The following AKAP9 variants were observed in gnomAD, a reference collection of about 807,000 sequenced individuals.
AKAP9 encodes A-kinase anchoring protein 9, also known as A-kinase anchor protein 9.
A neutral mutation model predicts 488.5 loss-of-function variants in AKAP9; 311 were observed. The observed-to-expected ratio is 0.64, with a 90% CI of 0.58 to 0.70. AKAP9 has a LOEUF of 0.70. Among genes scored for constraint, AKAP9 ranks in the 30% least tolerant of loss-of-function variants. The probability of loss-of-function intolerance (pLI) is 0.00; values close to 1 mark genes in which losing one functional copy is unlikely to be tolerated. For synonymous variants in AKAP9, 1,462 were observed against 1,483.5 expected (o/e 0.99, Z 0.33); for missense variants, 4,215 against 4,374.5 (o/e 0.96, Z 1.03).
intron 28 of AKAP9, among the ~76,000 whole-genome samples, chr7:92,075,591 G>A (rs1339601980): frequency 6.6e-6 from 1 of 152,148 alleles, no homozygotes; most frequent in African/African-American, 2.4e-5. Flanking sequence ...TCAAAAGCTG[G>A]CTTCTCCACA....
At chr7:92,018,391 A>C (rs1373173877) in intron 12 of AKAP9, among the ~76,000 whole-genome samples, 1 of 108,998 alleles carries the variant, frequency 9.2e-6, no homozygotes, top group East Asian at 2.9e-4. Context: ...ATTTCTAAAA[A>C]TATAACACAC....
At chr7:92,058,079 T>A (rs1809104654) in intron 22 of AKAP9, 1 of 494,652 alleles carries the variant, frequency 2.0e-6, no homozygotes, top group Admixed American at 2.7e-5. Flanking sequence ...TATACTGCTA[T>A]GGTAGATCTT....
intron 21 of AKAP9, among the ~76,000 whole-genome samples, chr7:92,052,165 C>G (rs1292458731): frequency 1.4e-4 from 22 of 152,100 alleles, no homozygotes; most frequent in Admixed American, 1.4e-3. Flanking sequence ...AGTGTTGGAT[C>G]AAAAGTTAGT....
At chr7:92,021,160 C>G (rs768668236) in intron 12 of AKAP9, among the ~76,000 whole-genome samples, 3 of 152,250 alleles carry the variant, frequency 2.0e-5, no homozygotes, top group East Asian at 1.9e-4. Context: ...ATATATGAGC[C>G]TAAATCAAAA....
Position 92,079,514 on chromosome 7 carries a change from G to A in AKAP9, c.7381G>A (p.Asp2461Asn), listed in dbSNP as rs1315333612. The A allele has an allele frequency of 6.2e-7, 1 of 1,613,866 alleles. No individual in the cohort carries two copies. Among genetic ancestry groups the A allele is most frequent in the Non-Finnish European group, 8.5e-7 (1 of 1,179,998 alleles). Reference sequence around the variant, plus strand: ...CGTGGCTATAGATCATCTGAGCAAAGACAAACCTGAACTAGAAGTAGTCCT... The same window carrying A: ...CGTGGCTATAGATCATCTGAGCAAAAACAAACCTGAACTAGAAGTAGTCCT... ...VNVAIDHLSK[D>N]KPELEVVLTE... Residue 2461 changes from aspartate (D) to asparagine (N), a missense_variant, in exon 31 of 50, where the codon GAC becomes AAC. Asp to Asn is a conservative substitution (Grantham distance 23). Around this residue, in one of 5 missense-constraint regions of AKAP9, gnomAD observed 1,476 missense variants for 1,477.4 expected, o/e 1.00. Transcript: ENST00000356239.
chr7:92,099,779 G>T lies in AKAP9; in HGVS notation c.10806G>T (p.Leu3602=), dbSNP rs748410999. The change falls in exon 44 of 50, where the codon CTG becomes CTT. Residue 3602 remains leucine (L), a synonymous_variant. Coordinates refer to ENST00000356239, the MANE Select transcript of AKAP9 (RefSeq NM_005751.5). ...NAELTGHISQ[L]TEEKNDLRNM... ...AGCTGACAGGGCATATCAGTCAACT[G>T]ACTGAAGAGAAGAATGACTTAAGGA... is the stretch of plus-strand genomic sequence containing the variant. 12 of 1,614,070 alleles carry T rather than the reference G, an allele frequency of 7.4e-6. No homozygotes were observed. The East Asian group carries it at 2.7e-4, about 36-fold the overall frequency.
At chr7:91,974,491 C>T (rs1393509332) in intron 2 of AKAP9, among the ~76,000 whole-genome samples, 2 of 152,284 alleles carry the variant, frequency 1.3e-5, no homozygotes, top group South Asian at 2.1e-4. Context: ...TACTATGCCC[C>T]CAAGTCTTGA....
rs376638814 is a variant in AKAP9 at position 92,001,452 on chromosome 7, T to C, written c.1535T>C (p.Leu512Pro). 2.3e-5 allele frequency: 37 copies of C among 1,613,690 alleles called. No individual in the cohort carries two copies. The highest frequency in any genetic ancestry group is 2.9e-5 in the Non-Finnish European group (34 of 1,179,868). Residue 512 changes from leucine (L) to proline (P), a missense_variant, in exon 8 of 50, where the codon CTC becomes CCC. Around this residue, in one of 5 missense-constraint regions of AKAP9, gnomAD observed 2,361 missense variants for 2,430.0 expected, o/e 0.97. Transcript: ENST00000356239. ...LQDTNSQKEKLKEELGLILEE... is the reference protein window; with the variant it reads ...LQDTNSQKEKPKEELGLILEE... ...GATACTAACTCTCAAAAGGAAAAAC[T>C]CAAGGAAGAACTAGGACTAATTTTA...
In AKAP9 at chr7:92,108,616, T is replaced by C. The variant is rs1418123269; in HGVS notation, c.11669T>C (p.Leu3890Pro). 6.2e-7 allele frequency: 1 copy of C among 1,614,170 alleles called. No homozygotes were observed. The highest frequency in any genetic ancestry group is 8.5e-7 in the Non-Finnish European group (1 of 1,180,030). The change falls in exon 49 of 50, where the codon CTT becomes CCT. Residue 3890 changes from leucine (L) to proline (P), a missense_variant. Transcript: ENST00000356239. ...ITRLEALQRR[L>P]GTIQSGSTTQ... ...CGGCTAGAGGCACTGCAAAGACGAC[T>C]TGGAACTATACAGTCAGGTGCTCTG...
At chr7:92,075,002 A>G (rs1007002355) in intron 28 of AKAP9, among the ~76,000 whole-genome samples, 1 of 152,196 alleles carries the variant, frequency 6.6e-6, no homozygotes, top group Non-Finnish European at 1.5e-5. Flanking sequence ...CCAGAAAAGT[A>G]TAATTTTTTA....
chr7:91,996,651 A>G (rs1245758663), intron 7 of AKAP9, among the ~76,000 whole-genome samples: 2 of 152,234 alleles, frequency 1.3e-5, no homozygotes, highest in African/African-American at 4.8e-5. Flanking sequence ...TAAAAGCACC[A>G]TGAGCATTGA....
Position 92,022,259 on chromosome 7 carries a change from G to A in AKAP9, c.3859G>A (p.Gly1287Ser). Residue 1287 changes from glycine (G) to serine (S), a missense_variant, in exon 13 of 50, where the codon GGT becomes AGT. Transcript: ENST00000356239. ...ATAGATCTGGGGACAGCAGACAGAT[G>A]GTATGAAACTTGAATTTGGAGAAGA... ...LSKIWGQQTDGMKLEFGEENL... is the reference protein window; with the variant it reads ...LSKIWGQQTDSMKLEFGEENL... The A allele has an allele frequency of 2.5e-6, 4 of 1,612,666 alleles. No homozygotes were observed. The highest frequency in any genetic ancestry group is 3.4e-6 in the Non-Finnish European group (4 of 1,178,856).
chr7:92,041,840 G>T, intron 18 of AKAP9: 1 of 477,946 alleles, frequency 2.1e-6, no homozygotes. Context: ...ACAAATTCCT[G>T]AATATATAGA....
At chr7:91,973,338 G>A (rs1795308917) in intron 1 of AKAP9, among the ~76,000 whole-genome samples, 1 of 152,160 alleles carries the variant, frequency 6.6e-6, no homozygotes, top group Non-Finnish European at 1.5e-5. Context: ...TGGCGCTACT[G>A]CACTCCAGCC....
intron 37 of AKAP9, among the ~76,000 whole-genome samples, chr7:92,087,509 T>G (rs1814770077): frequency 1.3e-5 from 2 of 152,142 alleles, no homozygotes; most frequent in Non-Finnish European, 2.9e-5. Flanking sequence ...CAGTAAGAAA[T>G]AGAAGACCTC....
Position 92,014,297 on chromosome 7 carries a change from C to T in AKAP9, c.3581C>T (p.Ala1194Val). 6.2e-7 allele frequency: 1 copy of T among 1,613,036 alleles called. No individual in the cohort carries two copies. The highest frequency in any genetic ancestry group is 8.5e-7 in the Non-Finnish European group (1 of 1,179,218). ...LHLLIGKLQK[A>V]VSEECSYFLQ... The stretch of plus-strand genomic sequence containing the variant: ...CTGCTCATTGGAAAACTTCAAAAGG[C>T]AGTGTCTGAAGAATGTTCTTATTTT... Residue 1194 changes from alanine to valine, a missense_variant, in exon 10 of 50, where the codon GCA becomes GTA. Transcript: ENST00000356239.
chr7:92,040,137 C>T (rs1357799640), intron 17 of AKAP9, among the ~76,000 whole-genome samples: 1 of 152,148 alleles, frequency 6.6e-6, no homozygotes, highest in Non-Finnish European at 1.5e-5. Context: ...AAGGAGTTGA[C>T]TTCTTATGAG....
At chr7:91,964,757 C>T (rs1258664139) in intron 1 of AKAP9, among the ~76,000 whole-genome samples, 1 of 152,018 alleles carries the variant, frequency 6.6e-6, no homozygotes, top group African/African-American at 2.4e-5. Context: ...TTCTCTCATA[C>T]CCTTCAACAA....
intron 22 of AKAP9, chr7:92,058,047 T>C: frequency 2.7e-6 from 1 of 372,710 alleles, no homozygotes; most frequent in Non-Finnish European, 5.2e-6. Flanking sequence ...ATTTATTTGA[T>C]AGTGCTAAAA....
Sources: gnomAD v4.1 joint callset for allele counts (sites outside exome capture counted in the v4.1 genomes callset) on GRCh38, gnomAD v4.1.1 for gene constraint, gnomAD v4.1.1 regional missense constraint, MANE v1.5 for transcripts, NCBI Gene and HGNC (gene_info 2026-07-23, HGNC 2026-07-21) for gene names.